ADAMTS12: variants seen among roughly 807,000 people sequenced by gnomAD.
ADAMTS12 encodes the protein A disintegrin and metalloproteinase with thrombospondin motifs 12.
Under a neutral mutation model 167.8 loss-of-function variants are expected in ADAMTS12, and 118 were observed. The ratio of observed to expected loss-of-function variants is 0.70; its 90% CI spans 0.61 to 0.82. The LOEUF (loss-of-function observed/expected upper bound fraction) is 0.82. ADAMTS12 is among the 40% of genes least tolerant of loss of function. The pLI, the probability that ADAMTS12 is intolerant of heterozygous loss-of-function variation, is 0.00. For synonymous variants in ADAMTS12, 704 were observed against 716.9 expected (o/e 0.98, Z 0.29); for missense variants, 1,916 against 1,998.8 (o/e 0.96, Z 0.79).
chr5:33,550,490 G>A (rs192175125), intron 20 of ADAMTS12, among the ~76,000 whole-genome samples: 2 of 152,038 alleles, frequency 1.3e-5, no homozygotes, highest in East Asian at 1.9e-4. Context: ...ATCTGTGCTC[G>A]TCAGCCCAGG....
At chr5:33,875,760 T>C in intron 2 of ADAMTS12, among the ~76,000 whole-genome samples, 1 of 152,178 alleles carries the variant, frequency 6.6e-6, no homozygotes, top group Non-Finnish European at 1.5e-5. Context: ...AGGCAAGAGA[T>C]GTTGCTCTCC....
At chr5:33,855,562 G>A (rs1311163971) in intron 2 of ADAMTS12, among the ~76,000 whole-genome samples, 1 of 152,160 alleles carries the variant, frequency 6.6e-6, no homozygotes, top group Non-Finnish European at 1.5e-5. Context: ...TCGATGTAAA[G>A]GTGGTTAAAC....
intron 2 of ADAMTS12, among the ~76,000 whole-genome samples, chr5:33,760,827 C>A (rs1015803905): frequency 6.6e-6 from 1 of 151,974 alleles, no homozygotes; most frequent in African/African-American, 2.4e-5. Flanking sequence ...TTGCACCCAA[C>A]AATCTTCTAT....
intron 16 of ADAMTS12, among the ~76,000 whole-genome samples, chr5:33,598,283 A>T (rs556563318): frequency 5.0e-4 from 76 of 152,328 alleles, no homozygotes; most frequent in African/African-American, 1.7e-3. Flanking sequence ...CCAACCCAGT[A>T]GGTCGACCCC....
chr5:33,830,495 G>T (rs1579972847), intron 2 of ADAMTS12, among the ~76,000 whole-genome samples: 1 of 152,154 alleles, frequency 6.6e-6, no homozygotes, highest in Non-Finnish European at 1.5e-5. Flanking sequence ...ACTTGCTAAA[G>T]AATTCTGTCT....
chr5:33,580,155 C>A (rs767629740), intron 18 of ADAMTS12, among the ~76,000 whole-genome samples: 4 of 151,922 alleles, frequency 2.6e-5, no homozygotes, highest in Non-Finnish European at 4.4e-5. Context: ...AAGGGTAAGG[C>A]AGGAGTGAAG....
intron 2 of ADAMTS12, among the ~76,000 whole-genome samples, chr5:33,838,269 A>T (rs1284786368): frequency 6.6e-6 from 1 of 152,266 alleles, no homozygotes; most frequent in African/African-American, 2.4e-5. Flanking sequence ...TAGATTTCTA[A>T]TGGCAGATTC....
chr5:33,597,562 C>T (rs1737958780), intron 16 of ADAMTS12, among the ~76,000 whole-genome samples: 1 of 152,214 alleles, frequency 6.6e-6, no homozygotes, highest in Admixed American at 6.5e-5. Flanking sequence ...CCCACCACCT[C>T]GCACTGCCTC....
At chr5:33,709,669 C>A (rs1743324446) in intron 3 of ADAMTS12, among the ~76,000 whole-genome samples, 1 of 151,782 alleles carries the variant, frequency 6.6e-6, no homozygotes, top group South Asian at 2.1e-4. Context: ...AACACATGGA[C>A]CCAGGGAGGG....
At position 33,619,182 on chromosome 5, in the gene ADAMTS12, A is replaced by G. The variant is rs944286553; in HGVS notation, c.2144-3110T>C. 4.6e-5 allele frequency among the ~76,000 whole-genome samples: 7 copies of G among 152,208 alleles called. No individual in the cohort carries two copies. In the East Asian group the frequency reaches 9.6e-4, roughly 21 times the overall value. On this transcript the variant is annotated intron_variant, in intron 14 of 23. Coordinates refer to ENST00000504830, the MANE Select transcript of ADAMTS12 (RefSeq NM_030955.4). Reference sequence around the variant, plus strand: ...TATGGACAAAGCATCAATGCATCCAATTCAGAAGAAGCATTCTCATTGTCC... The same window carrying G: ...TATGGACAAAGCATCAATGCATCCAGTTCAGAAGAAGCATTCTCATTGTCC...
chr5:33,667,497 C>T (rs12188318), intron 5 of ADAMTS12, among the ~76,000 whole-genome samples: 8,836 of 152,066 alleles, frequency 0.058, 342 homozygotes, highest in Middle Eastern at 0.11. Context: ...ATTTTATATG[C>T]ACCTCAAAGA....
chr5:33,740,047 C>T (rs1412228453), intron 3 of ADAMTS12, among the ~76,000 whole-genome samples: 2 of 152,166 alleles, frequency 1.3e-5, no homozygotes, highest in Non-Finnish European at 2.9e-5. Context: ...TAAGAGAATT[C>T]CAACCCCTTC....
rs762540842 is a variant in ADAMTS12, at chr5:33,683,052, A to G, written c.881T>C (p.Val294Ala). The G allele has an allele frequency of 6.2e-7, 1 of 1,613,730 alleles. No individual in the cohort carries two copies. Among genetic ancestry groups the G allele is most frequent in the African/African-American group, 1.3e-5 (1 of 75,048 alleles). The change falls in exon 5 of 24, where the codon GTT (valine) becomes GCT (alanine). Residue 294 changes from valine (V) to alanine (A), a missense_variant. Transcript: ENST00000504830. Reference protein sequence around the residue: ...NPSIGNAIHIVVVRLILLEEE... With the variant: ...NPSIGNAIHIAVVRLILLEEE... ...TTCGAGTAGAATGAGCCGAACCACA[A>G]CAATGTGAATTGCATTGCCAATGCT...
chr5:33,630,733 A>AAGTCAT (rs747641228), intron 13 of ADAMTS12, 47 bp downstream of exon 13: 1 of 1,568,718 alleles, frequency 6.4e-7, no homozygotes, highest in South Asian at 1.2e-5. Context: ...AAATTAGTAA[A>AAGTCAT]AGTCATGATT....
At chr5:33,847,822 A>T (rs1158814095) in intron 2 of ADAMTS12, among the ~76,000 whole-genome samples, 1 of 152,180 alleles carries the variant, frequency 6.6e-6, no homozygotes, top group Non-Finnish European at 1.5e-5. Flanking sequence ...ATGGGTGGGC[A>T]CAGCACCTGT....
intron 5 of ADAMTS12, among the ~76,000 whole-genome samples, chr5:33,663,575 T>C (rs985096207): frequency 1.3e-5 from 2 of 152,222 alleles, no homozygotes; most frequent in African/African-American, 4.8e-5. Context: ...GGCATTATCA[T>C]TTTTATTGTA....
intron 3 of ADAMTS12, among the ~76,000 whole-genome samples, chr5:33,685,388 T>C (rs1374404739): frequency 6.6e-6 from 1 of 152,222 alleles, no homozygotes; most frequent in Non-Finnish European, 1.5e-5. Context: ...TCTAGGACTA[T>C]ACCTCCTCCT....
chr5:33,620,977 G>A (rs941190835), intron 14 of ADAMTS12, among the ~76,000 whole-genome samples: 7 of 152,070 alleles, frequency 4.6e-5, no homozygotes, highest in African/African-American at 2.4e-5. Context: ...TTGCATCTTC[G>A]CCAGTGGAAG....
intron 2 of ADAMTS12, among the ~76,000 whole-genome samples, chr5:33,752,090 GGCCTACA>G (rs1298685761): frequency 1.3e-5 from 2 of 152,164 alleles, no homozygotes; most frequent in Admixed American, 1.3e-4. Flanking sequence ...GAGTTTCAGG[GGCCTACA>G]GCAGAAAGCC....
Sources: allele counts gnomAD v4.1 joint callset (sites outside exome capture counted in the v4.1 genomes callset), GRCh38; gene constraint gnomAD v4.1.1; transcripts MANE v1.5; gene names NCBI Gene and HGNC (gene_info 2026-07-23, HGNC 2026-07-21).